PNOC: variants seen among roughly 807,000 people sequenced by gnomAD.
The protein encoded by PNOC is nociceptin.
PNOC carries 10 observed loss-of-function variants against 15.6 expected under a neutral mutation model. The observed-to-expected ratio is 0.64, with a 90% CI of 0.40 to 1.09. The LOEUF (loss-of-function observed/expected upper bound fraction) is 1.09, where lower values mean the gene tolerates loss of function less well. Ranked by LOEUF, PNOC falls within the 50% of genes least tolerant of loss-of-function variation. The pLI is 0.01. For synonymous variants in PNOC, 98 were observed against 88.5 expected, an observed-to-expected ratio of 1.11 and a Z score of -0.60; for missense variants, 220 against 223.9, an observed-to-expected ratio of 0.98 and a Z score of 0.11.
Position 28,339,506 on chromosome 8 carries a change from A to G in PNOC, c.*47+15A>G. On this transcript the variant is annotated intron_variant, in intron 3 of 3. Coordinates refer to ENST00000301908, the MANE Select transcript of PNOC (RefSeq NM_006228.5). ...GCAACCCATGAGTGAGTTGGGCACC[A>G]ATAAGCTGGGGGCAAGGAGAGACCT... 6.7e-7 allele frequency: 1 copy of G among 1,484,532 alleles called. No homozygotes were observed. The highest frequency in any genetic ancestry group is 1.4e-5 in the South Asian group (1 of 71,708). The allele number at this position is 1,484,532 out of a possible 1,614,324, so 92.0% of individuals were successfully genotyped here.
At chr8:28,341,058 C>T (rs375100214) in intron 3 of PNOC, among the ~76,000 whole-genome samples, 13 of 152,166 alleles carry the variant, frequency 8.5e-5, no homozygotes, top group African/African-American at 2.2e-4. Context: ...TCCCTGAGTC[C>T]GAGCATAAGA....
intron 2 of PNOC, among the ~76,000 whole-genome samples, chr8:28,332,026 G>A (rs1290179239): frequency 6.6e-6 from 1 of 152,192 alleles, no homozygotes; most frequent in East Asian, 1.9e-4. Context: ...TTTGGAGCAT[G>A]TCTGCATCTC....
chr8:28,339,444 G>A lies in PNOC; in HGVS notation c.531G>A (p.Ter177=). ...RRTLHQNGNV[*] ...CCCTGCACCAGAATGGTAATGTGTAGCCGGAAGGGGCGCTCCTCCCAGCTG... is the reference window on the plus strand; with the variant it reads ...CCCTGCACCAGAATGGTAATGTGTAACCGGAAGGGGCGCTCCTCCCAGCTG... The change falls in exon 3 of 4, where the codon TAG becomes TAA. Residue 177 remains the stop codon, a stop_retained_variant. Coordinates refer to ENST00000301908, the MANE Select transcript of PNOC (RefSeq NM_006228.5). 6.6e-7 allele frequency: 1 copy of A among 1,524,512 alleles called. No individual in the cohort carries two copies. Among genetic ancestry groups the A allele is most frequent in the Non-Finnish European group, 8.8e-7 (1 of 1,133,436 alleles). 94.4% of individuals were successfully genotyped at this position (1,524,512 alleles called of 1,614,324 possible).
At chr8:28,330,398 T>TTTATTTTTTA (rs1554517536) in intron 2 of PNOC, among the ~76,000 whole-genome samples, 5 of 100,690 alleles carry the variant, frequency 5.0e-5, no homozygotes, top group African/African-American at 1.7e-4. Flanking sequence ...TTTATTTTAT[T>TTTATTTTTTA]TTTTTTTTTT....
chr8:28,328,020 G>A (rs2645725), intron 1 of PNOC, among the ~76,000 whole-genome samples: 48,201 of 143,800 alleles, frequency 0.34, 9,705 homozygotes, highest in Non-Finnish European at 0.46. Context: ...CTCTAGTCTT[G>A]TGATCTCATC....
At position 28,330,399 on chromosome 8, in the gene PNOC, T is replaced by TTATTTTTTTTTTTTTTTTTA. The variant is rs796269575; in HGVS notation, c.126+1117_126+1118insATTTTTTTTTTTTTTTTTAT. Among the ~76,000 whole-genome samples the TTATTTTTTTTTTTTTTTTTA allele has an allele frequency of 4.7e-4, 49 of 104,130 alleles. 2 individuals carry two copies. Among genetic ancestry groups the TTATTTTTTTTTTTTTTTTTA allele is most frequent in the Non-Finnish European group, 7.9e-4 (37 of 46,732 alleles). 68.3% of individuals were successfully genotyped at this position (104,130 alleles called of 152,430 possible). On this transcript the variant is annotated intron_variant, in intron 2 of 3. Coordinates refer to ENST00000301908, the MANE Select transcript of PNOC (RefSeq NM_006228.5). ...TTATTTTATTTTATTTTATTTTATTTTTTTTTTTTTTTTGAGACGGAGTCT... is the reference window on the plus strand; with the variant it reads ...TTATTTTATTTTATTTTATTTTATTTTATTTTTTTTTTTTTTTTTATTTTTTTTTTTTTGAGACGGAGTCT...
intron 1 of PNOC, among the ~76,000 whole-genome samples, chr8:28,323,309 T>C (rs1801176373): frequency 6.6e-6 from 1 of 152,226 alleles, no homozygotes; most frequent in South Asian, 2.1e-4. Flanking sequence ...ACGCTCAGAA[T>C]ATAGTATTGC....
intron 1 of PNOC, among the ~76,000 whole-genome samples, chr8:28,325,018 A>AT (rs1176402655): frequency 6.6e-6 from 1 of 152,134 alleles, no homozygotes; most frequent in Non-Finnish European, 1.5e-5. Flanking sequence ...ATTTCATCCC[A>AT]TTTTTGCAGA....
At position 28,329,652 on chromosome 8, in the gene PNOC, T is replaced by C. The variant is rs180892397; in HGVS notation, c.126+369T>C. Among the ~76,000 whole-genome samples, 18 of 152,362 alleles carry C rather than the reference T, an allele frequency of 1.2e-4. No individual in the cohort carries two copies. The East Asian group carries it at 3.5e-3, about 29-fold the overall frequency. ...GAATCCTACTTTTTTTCACTTACTATATTATACCAGGATAAATTTCTCATG... is the reference window on the plus strand; with the variant it reads ...GAATCCTACTTTTTTTCACTTACTACATTATACCAGGATAAATTTCTCATG... On this transcript the variant is annotated intron_variant, in intron 2 of 3. Transcript: ENST00000301908.
At chr8:28,335,929 AAAG>A (rs1489124522) in intron 2 of PNOC, among the ~76,000 whole-genome samples, 2 of 152,152 alleles carry the variant, frequency 1.3e-5, no homozygotes, top group Non-Finnish European at 2.9e-5. Context: ...GAAAAAAAAA[AAAG>A]AATAAAAGAA....
intron 1 of PNOC, among the ~76,000 whole-genome samples, chr8:28,328,596 T>C (rs1229924584): frequency 1.3e-5 from 2 of 152,110 alleles, no homozygotes; most frequent in Non-Finnish European, 2.9e-5. Flanking sequence ...CATTAATAAA[T>C]GTCATATTTT....
intron 2 of PNOC, among the ~76,000 whole-genome samples, chr8:28,338,429 A>G (rs1309946596): frequency 6.6e-6 from 1 of 152,134 alleles, no homozygotes; most frequent in Non-Finnish European, 1.5e-5. Flanking sequence ...TCACAGGTTC[A>G]GCCCCGCACG....
chr8:28,329,914 G>A (rs1471276477), intron 2 of PNOC, among the ~76,000 whole-genome samples: 1 of 152,062 alleles, frequency 6.6e-6, no homozygotes, highest in Non-Finnish European at 1.5e-5. Context: ...ACAGGAGGAT[G>A]TGCATAGCCA....
intron 2 of PNOC, among the ~76,000 whole-genome samples, chr8:28,335,400 A>T (rs1201839096): frequency 6.6e-6 from 1 of 152,280 alleles, no homozygotes; most frequent in Non-Finnish European, 1.5e-5. Flanking sequence ...AATTATATTC[A>T]TGATTTGCAA....
At chr8:28,325,117 G>A (rs1383676398) in intron 1 of PNOC, among the ~76,000 whole-genome samples, 2 of 152,146 alleles carry the variant, frequency 1.3e-5, no homozygotes, top group Admixed American at 6.5e-5. Context: ...ATGAGAAAGC[G>A]CATATCACCG....
At chr8:28,336,341 G>A (rs1364271113) in intron 2 of PNOC, among the ~76,000 whole-genome samples, 1 of 152,226 alleles carries the variant, frequency 6.6e-6, no homozygotes, top group Admixed American at 6.5e-5. Flanking sequence ...GGAATACAAA[G>A]TTCTGTGGGA....
chr8:28,333,725 AAG>A (rs1801366172), intron 2 of PNOC, among the ~76,000 whole-genome samples: 1 of 152,192 alleles, frequency 6.6e-6, no homozygotes, highest in Non-Finnish European at 1.5e-5. Flanking sequence ...GGGCTCACAG[AAG>A]ATCTAAGCAC....
chr8:28,320,617 G>A (rs1036768121), intron 1 of PNOC, among the ~76,000 whole-genome samples: 4 of 152,080 alleles, frequency 2.6e-5, no homozygotes, highest in Non-Finnish European at 4.4e-5. Context: ...TTGGGAGGCC[G>A]AGGTGGGCAG....
chr8:28,323,301 G>A (rs1030376189), intron 1 of PNOC, among the ~76,000 whole-genome samples: 20 of 152,194 alleles, frequency 1.3e-4, no homozygotes, highest in African/African-American at 4.1e-4. Flanking sequence ...AATATGAGAC[G>A]CTCAGAATAT....
Sources: allele counts gnomAD v4.1 joint callset (sites outside exome capture counted in the v4.1 genomes callset), GRCh38; gene constraint gnomAD v4.1.1; transcripts MANE v1.5; gene names NCBI Gene and HGNC (gene_info 2026-07-23, HGNC 2026-07-21).